The following GPC5 variants were observed in gnomAD, a reference collection of about 807,000 sequenced individuals.
GPC5 encodes glypican-5.
Under a neutral mutation model 53.9 loss-of-function variants are expected in GPC5, and 47 were observed. The observed-to-expected ratio is 0.87, with a 90% confidence interval of 0.69 to 1.11. GPC5 has a LOEUF of 1.11. GPC5 is among the 50% of genes most tolerant of loss of function. GPC5 has a pLI of 0.00. For missense variants in GPC5, 748 were observed against 713.1 expected, an observed-to-expected ratio of 1.05 and a Z score of -0.56; for synonymous variants, 286 against 263.3, an observed-to-expected ratio of 1.09 and a Z score of -0.84.
intron 7 of GPC5, among the ~76,000 whole-genome samples, chr13:92,379,250 G>C (rs1163913672): frequency 6.6e-6 from 1 of 152,140 alleles, no homozygotes; most frequent in Admixed American, 6.5e-5. Flanking sequence ...GTTCATTTTG[G>C]TTAAGTTAAT....
chr13:92,489,397 CAAACCAGTAAAT>C (rs1314396126), intron 7 of GPC5, among the ~76,000 whole-genome samples: 1 of 152,114 alleles, frequency 6.6e-6, no homozygotes, highest in African/African-American at 2.4e-5. Flanking sequence ...TGGCAGAAAA[CAAACCAGTAAAT>C]ACATCATGTG....
intron 7 of GPC5, among the ~76,000 whole-genome samples, chr13:92,250,900 G>A (rs1463056858): frequency 6.6e-6 from 1 of 152,082 alleles, no homozygotes; most frequent in Non-Finnish European, 1.5e-5. Flanking sequence ...TATACCGCAT[G>A]TATGAAAATG....
At position 91,846,375 on chromosome 13, in the gene GPC5, G is replaced by C. The variant is rs541994671; in HGVS notation, c.1281-61562G>C. 2.6e-5 allele frequency among the ~76,000 whole-genome samples: 4 copies of C among 152,028 alleles called. No individual in the cohort carries two copies. The East Asian group carries it at 7.7e-4, about 29-fold the overall frequency. On this transcript the variant is annotated intron_variant, in intron 5 of 7. Transcript: ENST00000377067. Reference sequence around the variant, plus strand: ...GCTAGTTTAACCTGATTCTGCCAGCGTAACAATTTTGAGTTGTACATAAGG... The same window carrying C: ...GCTAGTTTAACCTGATTCTGCCAGCCTAACAATTTTGAGTTGTACATAAGG...
intron 7 of GPC5, among the ~76,000 whole-genome samples, chr13:92,486,244 C>T (rs776956792): frequency 4.6e-5 from 7 of 152,076 alleles, no homozygotes; most frequent in South Asian, 2.1e-4. Flanking sequence ...GCAAAATTGA[C>T]GGATGTCAGT....
chr13:92,389,406 A>G (rs1382197605), intron 7 of GPC5, among the ~76,000 whole-genome samples: 5 of 152,078 alleles, frequency 3.3e-5, no homozygotes, highest in Non-Finnish European at 7.4e-5. Context: ...GAGACTGGGG[A>G]GGCACACACC....
intron 2 of GPC5, among the ~76,000 whole-genome samples, chr13:91,658,516 C>T (rs79740471): frequency 6.6e-6 from 1 of 152,156 alleles, no homozygotes; most frequent in Non-Finnish European, 1.5e-5. Flanking sequence ...CAATTAGGCA[C>T]CCAAATTGAC....
rs1380602621 is a variant in GPC5 at position 91,782,509 on chromosome 13, T to C, written c.1280+26089T>C. Among the ~76,000 whole-genome samples, 3 of 151,986 alleles carry C rather than the reference T, an allele frequency of 2.0e-5. No homozygotes were observed. The East Asian group carries it at 5.8e-4, about 30-fold the overall frequency. On this transcript the variant is annotated intron_variant, in intron 5 of 7. Coordinates refer to ENST00000377067, the MANE Select transcript of GPC5 (RefSeq NM_004466.6). ...CCCCTTAGAAAACCATCAGATCCCA[T>C]GAGAACTCACTCACTATCATGAGAA...
intron 6 of GPC5, among the ~76,000 whole-genome samples, chr13:92,136,628 C>A (rs61182955): frequency 6.6e-6 from 1 of 151,810 alleles, no homozygotes; most frequent in Non-Finnish European, 1.5e-5. Flanking sequence ...TGTAAATGAT[C>A]GTAAGAGGAA....
intron 6 of GPC5, among the ~76,000 whole-genome samples, chr13:92,119,216 A>T (rs1386184390): frequency 6.6e-6 from 1 of 151,986 alleles, no homozygotes; most frequent in Admixed American, 6.6e-5. Context: ...CTCTCATGAG[A>T]CTTATTCACT....
intron 7 of GPC5, among the ~76,000 whole-genome samples, chr13:92,669,529 T>A (rs1364981575): frequency 6.6e-6 from 1 of 152,154 alleles, no homozygotes; most frequent in Non-Finnish European, 1.5e-5. Context: ...CAATGTCAGG[T>A]GGATGCTGCC....
rs186720389 is a variant in GPC5 at position 91,584,377 on chromosome 13, G to A, written c.326-108810G>A. Among the ~76,000 whole-genome samples the A allele has an allele frequency of 4.2e-3, 642 of 152,112 alleles. 17 individuals carry two copies. Among genetic ancestry groups the A allele is most frequent in the Non-Finnish European group, 1.2e-3 (81 of 68,014 alleles). ...CTGTTTTGATAAATTTGCTGGTTGG[G>A]TTAAACAATCCAAAGAGGAAAAAAT... On this transcript the variant is annotated intron_variant, in intron 2 of 7. Coordinates refer to ENST00000377067, the MANE Select transcript of GPC5 (RefSeq NM_004466.6).
At chr13:91,782,752 C>G (rs749327400) in intron 5 of GPC5, among the ~76,000 whole-genome samples, 2 of 152,110 alleles carry the variant, frequency 1.3e-5, no homozygotes, top group Non-Finnish European at 2.9e-5. Context: ...GTATTTTCCT[C>G]ATTTTATATG....
At chr13:91,726,889 T>C (rs934380128) in intron 3 of GPC5, among the ~76,000 whole-genome samples, 1 of 152,214 alleles carries the variant, frequency 6.6e-6, no homozygotes, top group Non-Finnish European at 1.5e-5. Flanking sequence ...AGCTTTTGCC[T>C]GCATTCCATT....
At chr13:92,067,051 AAAG>A (rs2041173240) in intron 6 of GPC5, among the ~76,000 whole-genome samples, 1 of 152,132 alleles carries the variant, frequency 6.6e-6, no homozygotes. Flanking sequence ...CAAACATAGT[AAAG>A]AAGAAGACTG....
intron 2 of GPC5, among the ~76,000 whole-genome samples, chr13:91,594,740 GTGATCA>G (rs2032927270): frequency 6.6e-6 from 1 of 152,020 alleles, no homozygotes; most frequent in South Asian, 2.1e-4. Context: ...CTACAGTGGT[GTGATCA>G]CACCTCACTG....
intron 7 of GPC5, among the ~76,000 whole-genome samples, chr13:92,638,871 T>A (rs1336580337): frequency 1.3e-5 from 2 of 152,210 alleles, no homozygotes; most frequent in Admixed American, 6.5e-5. Flanking sequence ...ACTTATGAAA[T>A]TCTAACATTT....
At chr13:91,424,626 C>T (rs1250261990) in intron 1 of GPC5, among the ~76,000 whole-genome samples, 1 of 152,130 alleles carries the variant, frequency 6.6e-6, no homozygotes, top group Non-Finnish European at 1.5e-5. Flanking sequence ...CTCGGCCTCC[C>T]GAAGTGCTGG....
intron 4 of GPC5, among the ~76,000 whole-genome samples, chr13:91,752,919 A>G (rs2037210151): frequency 6.6e-6 from 1 of 152,248 alleles, no homozygotes; most frequent in Admixed American, 6.5e-5. Context: ...TAAAATCCTC[A>G]GATGAGATTT....
At chr13:91,781,121 TGCACAA>T (rs1220686715) in intron 5 of GPC5, among the ~76,000 whole-genome samples, 1 of 152,222 alleles carries the variant, frequency 6.6e-6, no homozygotes, top group Non-Finnish European at 1.5e-5. Flanking sequence ...TGTGCACAAG[TGCACAA>T]GCTTAATAAA....
Sources: allele counts gnomAD v4.1 joint callset (sites outside exome capture counted in the v4.1 genomes callset), GRCh38; gene constraint gnomAD v4.1.1; transcripts MANE v1.5; gene names NCBI Gene and HGNC (gene_info 2026-07-23, HGNC 2026-07-21).